The following MICAL1 variants were observed in gnomAD, a reference collection of about 807,000 sequenced individuals.
MICAL1 encodes the protein [F-actin]-monooxygenase MICAL1.
Under a neutral mutation model 131.8 loss-of-function variants are expected in MICAL1, and 95 were observed. The observed-to-expected ratio is 0.72, with a 90% confidence interval of 0.61 to 0.86. MICAL1 has a LOEUF of 0.86. MICAL1 is among the 40% of genes least tolerant of loss of function. The pLI is 0.00. For synonymous variants in MICAL1, 546 were observed against 554.2 expected (o/e 0.99, Z 0.21); for missense variants, 1,292 against 1,380.6 (o/e 0.94, Z 1.02).
In MICAL1 at chr6:109,452,583, G is replaced by C. The variant is rs1344522893; in HGVS notation, c.604C>G (p.Pro202Ala). 3.1e-6 allele frequency: 5 copies of C among 1,613,354 alleles called. No individual in the cohort carries two copies. The highest frequency in any genetic ancestry group is 4.2e-6 in the Non-Finnish European group (5 of 1,179,908). The change falls in exon 5 of 25, where the codon CCC becomes GCC. Residue 202 changes from proline to alanine, a missense_variant. Pro to Ala is a conservative substitution (Grantham distance 27). Coordinates refer to ENST00000358807, the MANE Select transcript of MICAL1 (RefSeq NM_022765.4). Reference protein sequence around the residue: ...SGWRAQLQPNPPAQLANYEFD... With the variant: ...SGWRAQLQPNAPAQLANYEFD... ...TCATAGTTGGCCAGCTGGGCAGGGG[G>C]GTTGGGTTGGAGCTGGGCACGCCAG...
At position 109,446,428 on chromosome 6, in the gene MICAL1, T is replaced by TGTGGTCTGGTCAGTGACCTGCCTAGG. The variant is rs6149743; in HGVS notation, c.2305-17_2305-16insCCTAGGCAGGTCACTGACCAGACCAC. ...TGGGGAGCTCCTGGAAAAGCCACCA[T>TGTGGTCTGGTCAGTGACCTGCCTAGG]GTGGAGTGAGGTCGGGGGGTGAGGC... is the stretch of plus-strand genomic sequence containing the variant. On this transcript the variant is annotated splice_polypyrimidine_tract_variant and intron_variant, in intron 18 of 24. Coordinates refer to ENST00000358807, the MANE Select transcript of MICAL1 (RefSeq NM_022765.4). 6.2e-7 allele frequency: 1 copy of TGTGGTCTGGTCAGTGACCTGCCTAGG among 1,611,196 alleles called. No individual in the cohort carries two copies. The highest frequency in any genetic ancestry group is 1.3e-5 in the African/African-American group (1 of 74,686).
In MICAL1 at chr6:109,448,358, T is replaced by C. The variant is rs1239789056; in HGVS notation, c.1700A>G (p.Glu567Gly). The change falls in exon 13 of 25, where the codon GAA becomes GGA. Residue 567 changes from glutamate (E) to glycine (G), a missense_variant. Glu to Gly is a moderately conservative substitution (Grantham distance 98). Coordinates refer to ENST00000358807, the MANE Select transcript of MICAL1 (RefSeq NM_022765.4). ...PSELQGLGAL[E>G]ATAWALKVAE... Reference sequence around the variant, plus strand: ...CACCTTTAGTGCCCAAGCAGTTGCTTCCAGAGCTCCCAGCCCCTGCAGCTC... The same window carrying C: ...CACCTTTAGTGCCCAAGCAGTTGCTCCCAGAGCTCCCAGCCCCTGCAGCTC... 1 of 1,613,868 alleles carries C rather than the reference T, an allele frequency of 6.2e-7. No homozygotes were observed.
intron 17 of MICAL1, 94 bp downstream of exon 17, chr6:109,446,979 C>CT: frequency 6.8e-7 from 1 of 1,479,462 alleles, no homozygotes; most frequent in Non-Finnish European, 9.2e-7. Context: ...CATCTTGAGC[C>CT]TGTTTCCATC....
upstream of MICAL1, chr6:109,455,975 G>C: frequency 1.7e-5 from 17 of 985,578 alleles, no homozygotes; most frequent in Non-Finnish European, 2.0e-5. The surrounding 1 kb of genome is among the most constrained non-coding windows in gnomAD (Gnocchi z 4.7). Flanking sequence ...CCTCCAGCGG[G>C]GACAGTCTTG....
intron 17 of MICAL1, 128 bp downstream of exon 17, chr6:109,446,945 C>T: frequency 1.5e-6 from 2 of 1,310,934 alleles, no homozygotes; most frequent in South Asian, 1.4e-5. Context: ...CAGAGAAGAC[C>T]CTGAGCTCAG....
At position 109,450,047 on chromosome 6, in the gene MICAL1, G is replaced by A. The variant is rs1278538125; in HGVS notation, c.1230C>T (p.Phe410=). 1.2e-5 allele frequency: 19 copies of A among 1,613,950 alleles called. No individual in the cohort carries two copies. The highest frequency in any genetic ancestry group is 1.6e-5 in the Non-Finnish European group (19 of 1,180,016). The part of the protein sequence containing the change: ...WPLGTGVARG[F]LAAFDAAWMV... ...TCCAGGCTGCATCAAAGGCTGCCAGGAAGCCCCGTGCCACTCCAGTGCCCA... is the reference window on the plus strand; with the variant it reads ...TCCAGGCTGCATCAAAGGCTGCCAGAAAGCCCCGTGCCACTCCAGTGCCCA... The change falls in exon 9 of 25, where the codon TTC becomes TTT. Residue 410 remains phenylalanine (F), a synonymous_variant. Coordinates refer to ENST00000358807, the MANE Select transcript of MICAL1 (RefSeq NM_022765.4).
rs1413787803 is a variant in MICAL1, at chr6:109,447,899, C to T, written c.1920G>A (p.Arg640=). The T allele has an allele frequency of 2.5e-6, 4 of 1,613,294 alleles. No homozygotes were observed. Among genetic ancestry groups the T allele is most frequent in the South Asian group, 1.1e-5 (1 of 91,018 alleles). ...SAVLFLSKLQ[R]TLQRSRAKEN... Reference sequence around the variant, plus strand: ...CCTTGGCCCGGGATCGCTGCAGGGTCCTCTGAAGTTTACTAAGGAATAATA... The same window carrying T: ...CCTTGGCCCGGGATCGCTGCAGGGTTCTCTGAAGTTTACTAAGGAATAATA... Residue 640 remains arginine, a synonymous_variant, in exon 14 of 25, where the codon AGG becomes AGA. Transcript: ENST00000358807.
chr6:109,448,116 A>ACACACACACACACACACACACACACCCC, intron 13 of MICAL1, 87 bp downstream of exon 13: 1 of 1,333,932 alleles, frequency 7.5e-7, no homozygotes, highest in Non-Finnish European at 9.9e-7. Context: ...ACACACACAC[A>ACACACACACACACACACACACACACCCC]CCGCCTTCTC....
chr6:109,461,341 T>G (rs1183101940), intron 1 of MICAL1, among the ~76,000 whole-genome samples: 1 of 152,234 alleles, frequency 6.6e-6, no homozygotes, highest in East Asian at 1.9e-4. Context: ...TGCCACATTT[T>G]CTTACCAATT....
At position 109,447,523 on chromosome 6, in the gene MICAL1, TGAAGG is replaced by T. The variant is rs949872227; in HGVS notation, c.1987-88_1987-84del. ...ATGCGTACAGATGAACACAAGGGGCTGAAGGGAAGGGGAGTGAGACTAGGCAGGGA... is the reference window on the plus strand; with the variant it reads ...ATGCGTACAGATGAACACAAGGGGCTGAAGGGGAGTGAGACTAGGCAGGGA... On this transcript the variant is annotated intron_variant, in intron 15 of 24. Transcript: ENST00000358807. 22 of 1,525,024 alleles carry T rather than the reference TGAAGG, an allele frequency of 1.4e-5. No individual in the cohort carries two copies. In the African/African-American group the frequency reaches 2.8e-4, roughly 20 times the overall value. The allele number at this position is 1,525,024 out of a possible 1,614,324, so 94.5% of individuals were successfully genotyped here.
intron 1 of MICAL1, among the ~76,000 whole-genome samples, chr6:109,461,878 T>C (rs781484482): frequency 6.6e-6 from 1 of 152,184 alleles, no homozygotes; most frequent in Non-Finnish European, 1.5e-5. Flanking sequence ...CTGTATGACA[T>C]TTGGCAACAG....
chr6:109,452,212 G>C (rs374632120), intron 6 of MICAL1, 34 bp downstream of exon 6: 974 of 1,592,756 alleles, frequency 6.1e-4, no homozygotes, highest in Non-Finnish European at 8.2e-4. Flanking sequence ...CAGTCAGGCA[G>C]GGGGAGGGGA....
intron 11 of MICAL1, 69 bp from the exon 12 acceptor site, chr6:109,448,948 G>A: frequency 6.3e-7 from 1 of 1,583,932 alleles, no homozygotes. Flanking sequence ...GAGCCCAGCT[G>A]CTGCATGTGG....
In MICAL1 at chr6:109,444,326, T is replaced by C. The variant is rs772213862; in HGVS notation, c.3069A>G (p.Thr1023=). ...GYMNREENLK[T]AADRQAEDQV... ...GGTCCTCAGCCTGCCGATCAGCAGCTGTCTTTAGGTTTTCTAAAAGGAGGA... is the reference window on the plus strand; with the variant it reads ...GGTCCTCAGCCTGCCGATCAGCAGCCGTCTTTAGGTTTTCTAAAAGGAGGA... Residue 1023 remains threonine (T), a synonymous_variant, in exon 25 of 25, where the codon ACA becomes ACG. Coordinates refer to ENST00000358807, the MANE Select transcript of MICAL1 (RefSeq NM_022765.4). The C allele has an allele frequency of 4.3e-6, 7 of 1,613,508 alleles. No individual in the cohort carries two copies. The highest frequency in any genetic ancestry group is 5.9e-6 in the Non-Finnish European group (7 of 1,180,028).
chr6:109,448,036 T>C, intron 13 of MICAL1, 73 bp from the exon 14 acceptor site: 1 of 1,489,550 alleles, frequency 6.7e-7, no homozygotes, highest in African/African-American at 1.4e-5. Flanking sequence ...ACAGTCACTC[T>C]CCAACCCAGA....
At chr6:109,445,022 G>C (rs1436397400) in intron 22 of MICAL1, 27 bp from the exon 23 acceptor site, 4 of 1,609,320 alleles carry the variant, frequency 2.5e-6, no homozygotes, top group Non-Finnish European at 3.4e-6. Flanking sequence ...TGGGTAGGGT[G>C]ATCAGGAGGC....
At position 109,447,013 on chromosome 6, in the gene MICAL1, T is replaced by A. The variant is rs544785631; in HGVS notation, c.2227+60A>T. 35 of 1,583,472 alleles carry A rather than the reference T, an allele frequency of 2.2e-5. No homozygotes were observed. The African/African-American group carries it at 4.7e-4, about 21-fold the overall frequency. On this transcript the variant is annotated intron_variant, in intron 17 of 24. Coordinates refer to ENST00000358807, the MANE Select transcript of MICAL1 (RefSeq NM_022765.4). ...TCCTGTGCCTCTCTACCTCAAGCTC[T>A]GTGTCCCCCAAGCAGGGCCAGGCCC...
At chr6:109,457,537 A>T (rs1268353848), upstream of MICAL1, among the ~76,000 whole-genome samples, 2 of 29,892 alleles carry the variant, frequency 6.7e-5, no homozygotes, top group East Asian at 3.2e-3. Flanking sequence ...CTTGAGATCC[A>T]GAGACCATAA....
upstream of MICAL1, among the ~76,000 whole-genome samples, chr6:109,459,475 G>A (rs1775837120): frequency 6.6e-6 from 1 of 152,156 alleles, no homozygotes; most frequent in Admixed American, 6.5e-5. Flanking sequence ...TGGGGGTCAG[G>A]TGGGCCCCTT....
Sources: allele counts gnomAD v4.1 joint callset (sites outside exome capture counted in the v4.1 genomes callset), GRCh38; gene constraint gnomAD v4.1.1; non-coding constraint Gnocchi (gnomAD v3.1); transcripts MANE v1.5; gene names NCBI Gene and HGNC (gene_info 2026-07-23, HGNC 2026-07-21).